GABRR2: variants seen among roughly 807,000 people sequenced by gnomAD.
The protein encoded by GABRR2 is gamma-aminobutyric acid receptor subunit rho-2.
GABRR2 carries 36 observed loss-of-function variants against 47.0 expected under a neutral mutation model. That is an observed-to-expected ratio of 0.77 (90% confidence interval 0.59 to 1.01). The LOEUF (loss-of-function observed/expected upper bound fraction) is 1.01, where lower values mean the gene tolerates loss of function less well. Ranked by LOEUF, GABRR2 falls within the 50% of genes least tolerant of loss-of-function variation. GABRR2 has a pLI of 0.00. For synonymous variants in GABRR2, 204 were observed against 227.5 expected (o/e 0.90, Z 0.93); for missense variants, 587 against 594.6 (o/e 0.99, Z 0.13).
At chr6:89,264,182 T>C (rs1288698502) in intron 8 of GABRR2, among the ~76,000 whole-genome samples, 3 of 152,220 alleles carry the variant, frequency 2.0e-5, no homozygotes, top group Non-Finnish European at 4.4e-5. Flanking sequence ...GGTGTCAAAG[T>C]TGAGTCTGAG....
chr6:89,274,304 C>G (rs1774115816), intron 2 of GABRR2, among the ~76,000 whole-genome samples: 1 of 152,176 alleles, frequency 6.6e-6, no homozygotes, highest in Non-Finnish European at 1.5e-5. Flanking sequence ...CCTCAAGTTT[C>G]AACAGAGACC....
intron 2 of GABRR2, among the ~76,000 whole-genome samples, chr6:89,286,098 G>T (rs1436386926): frequency 1.3e-5 from 2 of 152,092 alleles, no homozygotes; most frequent in Admixed American, 6.5e-5. Flanking sequence ...GAATCCTATG[G>T]CCTAAATGTT....
chr6:89,287,989 AGAGCT>A (rs1432920562), intron 2 of GABRR2, among the ~76,000 whole-genome samples: 2 of 152,206 alleles, frequency 1.3e-5, no homozygotes, highest in Non-Finnish European at 2.9e-5. Flanking sequence ...AGTGAGAGAC[AGAGCT>A]GAGGTTTGGA....
rs188968762 is a variant in GABRR2, at chr6:89,273,566, G to T, written c.221-1844C>A. On this transcript the variant is annotated intron_variant, in intron 2 of 8. Transcript: ENST00000402938. ...TCTTTTTATTCCAGGCTCCAGAAGT[G>T]CTTTGAGGGTGCCAGAAATGGGATG... 2.0e-5 allele frequency among the ~76,000 whole-genome samples: 3 copies of T among 152,316 alleles called. No homozygotes were observed. The East Asian group carries it at 5.8e-4, about 29-fold the overall frequency.
intron 3 of GABRR2, 139 bp from the exon 4 acceptor site, chr6:89,269,373 C>A: frequency 2.9e-6 from 2 of 679,878 alleles, no homozygotes; most frequent in Non-Finnish European, 5.2e-6. Flanking sequence ...AGCCCTGTGG[C>A]AGGATGGCAC....
intron 2 of GABRR2, among the ~76,000 whole-genome samples, chr6:89,285,743 G>A (rs888399622): frequency 6.6e-6 from 1 of 152,108 alleles, no homozygotes; most frequent in African/African-American, 2.4e-5. Context: ...CCATGTCCTG[G>A]TGGCCGCTTC....
chr6:89,264,773 C>G (rs6909700), intron 7 of GABRR2, among the ~76,000 whole-genome samples, 165 bp from the exon 8 acceptor site: 4,621 of 152,222 alleles, frequency 0.03, 208 homozygotes, highest in African/African-American at 0.1. Flanking sequence ...AGCAGCCAGG[C>G]CTATTCTCCT....
At chr6:89,280,548 A>T (rs1360354476) in intron 2 of GABRR2, among the ~76,000 whole-genome samples, 1 of 152,102 alleles carries the variant, frequency 6.6e-6, no homozygotes, top group Admixed American at 6.5e-5. Context: ...ATGCCAGCTT[A>T]CTGCCCGCTG....
At position 89,256,404 on chromosome 6, in the gene GABRR2, G is replaced by A. The variant is rs1174555742; in HGVS notation, c.*1266C>T. 2.0e-5 allele frequency among the ~76,000 whole-genome samples: 3 copies of A among 151,990 alleles called. No individual in the cohort carries two copies. Among genetic ancestry groups the A allele is most frequent in the Non-Finnish European group, 4.4e-5 (3 of 68,006 alleles). On this transcript the variant is annotated 3_prime_UTR_variant, in exon 9 of 9. Transcript: ENST00000402938. ...TCTTATTCTTAATTTGGACCCCAAT[G>A]TACCTAGTGCAGAGATACTTTAAAA...
At chr6:89,312,168 G>GAAA (rs1206533419) in intron 1 of GABRR2, among the ~76,000 whole-genome samples, 1 of 152,242 alleles carries the variant, frequency 6.6e-6, no homozygotes, top group East Asian at 1.9e-4. Flanking sequence ...CCCTTGGCAA[G>GAAA]AAAGAAGGGC....
chr6:89,310,394 T>G (rs1244867770), intron 1 of GABRR2, among the ~76,000 whole-genome samples: 2 of 151,990 alleles, frequency 1.3e-5, no homozygotes, highest in Non-Finnish European at 2.9e-5. Context: ...GTACTCTGGT[T>G]TTCCTCCTAC....
intron 2 of GABRR2, among the ~76,000 whole-genome samples, chr6:89,286,026 C>A (rs1393409712): frequency 1.3e-5 from 2 of 150,872 alleles, no homozygotes; most frequent in Admixed American, 6.6e-5. Flanking sequence ...GCACCCCCAA[C>A]AACAAACAAA....
chr6:89,271,539 C>A, intron 3 of GABRR2, 116 bp downstream of exon 3: 1 of 860,130 alleles, frequency 1.2e-6, no homozygotes, highest in South Asian at 1.5e-5. Context: ...GGCCGACTTC[C>A]AAGCGCCCAT....
At chr6:89,298,267 C>T (rs1774591030) in intron 2 of GABRR2, among the ~76,000 whole-genome samples, 1 of 152,202 alleles carries the variant, frequency 6.6e-6, no homozygotes, top group Non-Finnish European at 1.5e-5. Context: ...TTTTAAAATG[C>T]ATAGGCTTCT....
chr6:89,301,186 A>C lies in GABRR2; in HGVS notation c.114-1321T>G, dbSNP rs970229314. On this transcript the variant is annotated intron_variant, in intron 1 of 8. Transcript: ENST00000402938. ...CAAGAGGCTTTCGATAAAATTCAAC[A>C]CTCCTTATTAAAAACTCTTAATAAA... Among the ~76,000 whole-genome samples the C allele has an allele frequency of 5.2e-5, 5 of 97,040 alleles. No homozygotes were observed. The Admixed American group carries it at 6.6e-4, about 13-fold the overall frequency. The allele number at this position is 97,040 out of a possible 152,430, so 63.7% of individuals were successfully genotyped here. A position where few individuals can be genotyped will look rare whatever the true frequency, so the allele number is the denominator to read the frequency against.
chr6:89,313,026 G>C (rs1767705204), intron 1 of GABRR2, among the ~76,000 whole-genome samples: 1 of 152,140 alleles, frequency 6.6e-6, no homozygotes, highest in Non-Finnish European at 1.5e-5. Context: ...TGGGGTCCCT[G>C]GGCACCCCAA....
rs796685051 is a variant in GABRR2, at chr6:89,292,805, G to A, written c.220+6954C>T. Among the ~76,000 whole-genome samples the A allele has an allele frequency of 3.8e-3, 30 of 7,928 alleles. 2 individuals are homozygous for A. The highest frequency in any genetic ancestry group is 8.4e-3 in the African/African-American group (7 of 836). 5.2% of individuals were successfully genotyped at this position (7,928 alleles called of 152,430 possible). ...GTATATACGATATATCGTATATATC[G>A]TATATACGATATATCGTATATATCG... On this transcript the variant is annotated intron_variant, in intron 2 of 8. Transcript: ENST00000402938.
intron 2 of GABRR2, among the ~76,000 whole-genome samples, chr6:89,283,929 C>T (rs1774292760): frequency 6.6e-6 from 1 of 152,116 alleles, no homozygotes; most frequent in African/African-American, 2.4e-5. Context: ...GGAAGAGAGA[C>T]TTCTTCTGAG....
In GABRR2 at chr6:89,295,067, T is replaced by C. The variant is rs540795385; in HGVS notation, c.220+4692A>G. On this transcript the variant is annotated intron_variant, in intron 2 of 8. Coordinates refer to ENST00000402938, the MANE Select transcript of GABRR2 (RefSeq NM_002043.5). ...GATGGACATTTGGGTTGGTTCCAAGTCTTTGCTATTGTGAATAGCGCTGCA... is the reference window on the plus strand; with the variant it reads ...GATGGACATTTGGGTTGGTTCCAAGCCTTTGCTATTGTGAATAGCGCTGCA... Among the ~76,000 whole-genome samples the C allele has an allele frequency of 2.0e-5, 3 of 152,200 alleles. No homozygotes were observed. The East Asian group carries it at 5.8e-4, about 29-fold the overall frequency.
Sources: gnomAD v4.1 joint callset for allele counts (sites outside exome capture counted in the v4.1 genomes callset) on GRCh38, gnomAD v4.1.1 for gene constraint, MANE v1.5 for transcripts, NCBI Gene and HGNC (gene_info 2026-07-23, HGNC 2026-07-21) for gene names.